PIK3R3: variants seen among roughly 807,000 people sequenced by gnomAD.
PIK3R3 encodes phosphatidylinositol 3-kinase regulatory subunit gamma.
A neutral mutation model predicts 62.9 loss-of-function variants in PIK3R3; 64 were observed. The observed-to-expected ratio is 1.02, with a 90% CI of 0.83 to 1.25. The LOEUF (loss-of-function observed/expected upper bound fraction) is 1.25. Among genes scored for constraint, PIK3R3 ranks in the 50% most tolerant of loss-of-function variants. The pLI, the probability that PIK3R3 is intolerant of heterozygous loss-of-function variation, is 0.00. For synonymous variants in PIK3R3, 165 were observed against 189.0 expected, an observed-to-expected ratio of 0.87 and a Z score of 1.04; for missense variants, 614 against 561.6, an observed-to-expected ratio of 1.09 and a Z score of -0.94.
At chr1:46,078,540 T>C (rs1386000278) in intron 2 of PIK3R3, among the ~76,000 whole-genome samples, 7 of 151,816 alleles carry the variant, frequency 4.6e-5, no homozygotes, top group African/African-American at 1.7e-4. Context: ...AGACTCTATC[T>C]CAAAAAAAAA....
chr1:46,040,170 C>T lies in PIK3R3; in HGVS notation c.*3503G>A, dbSNP rs1646969201. 1.0e-5 allele frequency: 2 copies of T among 198,184 alleles called. No homozygotes were observed. Among genetic ancestry groups the T allele is most frequent in the Middle Eastern group, 1.7e-3 (1 of 596 alleles). The allele number at this position is 198,184 out of a possible 1,614,324, so 12.3% of individuals were successfully genotyped here. ...TTATTGCAATGTCTTTATTGCATTA[C>T]TGGAGCAAGTTGGCCAGACTGTCCC... On this transcript the variant is annotated 3_prime_UTR_variant, in exon 10 of 10. Transcript: ENST00000262741.
intron 1 of PIK3R3, among the ~76,000 whole-genome samples, chr1:46,120,140 T>C (rs1009568232): frequency 6.6e-6 from 1 of 152,206 alleles, no homozygotes; most frequent in Non-Finnish European, 1.5e-5. Flanking sequence ...ACTAACACTA[T>C]TCCAATGCCT....
At chr1:46,141,789 CAA>C in the PIK3R3 span, among the ~76,000 whole-genome samples, 3 of 152,258 alleles carry the variant, frequency 2.0e-5, no homozygotes, top group Non-Finnish European at 2.9e-5. Flanking sequence ...CCTGTCTTTC[CAA>C]AAGAGTCAGC....
upstream of PIK3R3, among the ~76,000 whole-genome samples, chr1:46,137,955 G>A (rs140814490): frequency 2.0e-5 from 3 of 152,318 alleles, no homozygotes; most frequent in East Asian, 3.9e-4. Flanking sequence ...TTTGGCTACA[G>A]GAACCAAGAG....
chr1:46,068,962 A>C (rs1649253825), intron 3 of PIK3R3, among the ~76,000 whole-genome samples: 1 of 152,226 alleles, frequency 6.6e-6, no homozygotes, highest in South Asian at 2.1e-4. Flanking sequence ...AGGAGGCAGC[A>C]GTAGAAGTGG....
chr1:46,174,783 C>G, the PIK3R3 span, among the ~76,000 whole-genome samples: 1 of 152,166 alleles, frequency 6.6e-6, no homozygotes, highest in South Asian at 2.1e-4. Context: ...CAAACTCAGT[C>G]TTGCCCCACC....
chr1:46,132,279 G>A lies in PIK3R3; in HGVS notation c.-327C>T, dbSNP rs979354395. On this transcript the variant is annotated 5_prime_UTR_variant, in exon 1 of 10. Coordinates refer to ENST00000262741, the MANE Select transcript of PIK3R3 (RefSeq NM_003629.4). ...ACACAGTCGCTCTCCGGGGAGAAAA[G>A]CTCCCACCGCCTCCAAATCTTTCCG... 11 of 1,119,394 alleles carry A rather than the reference G, an allele frequency of 9.8e-6. No individual in the cohort carries two copies. In the East Asian group the frequency reaches 7.5e-4, roughly 76 times the overall value. The allele number at this position is 1,119,394 out of a possible 1,614,324, so 69.3% of individuals were successfully genotyped here.
Position 46,045,975 on chromosome 1 carries a change from T to C in PIK3R3, c.1130A>G (p.Asp377Gly). The change falls in exon 9 of 10, where the codon GAT (aspartate) becomes GGT (glycine). Residue 377 changes from aspartate (D) to glycine (G), a missense_variant. Asp to Gly is a moderately conservative substitution (Grantham distance 94). Coordinates refer to ENST00000262741, the MANE Select transcript of PIK3R3 (RefSeq NM_003629.4). ...QAEDLLYGKPDGAFLIRESSK... is the reference protein window; with the variant it reads ...QAEDLLYGKPGGAFLIRESSK... The stretch of plus-strand genomic sequence containing the variant: ...ACTCTCACGAATTAAGAATGCACCA[T>C]CAGGTTTCCCATAAAGCAAGTCCTC... The C allele has an allele frequency of 6.2e-7, 1 of 1,613,676 alleles. No individual in the cohort carries two copies.
intron 3 of PIK3R3, among the ~76,000 whole-genome samples, chr1:46,069,308 T>C (rs943315886): frequency 1.3e-5 from 2 of 152,120 alleles, no homozygotes; most frequent in African/African-American, 2.4e-5. Context: ...TCACTTGAAA[T>C]CAGGAGTTCG....
rs781243130 is a variant in PIK3R3 at position 46,055,982 on chromosome 1, A to G, written c.765-11T>C. ...TAATTCATCATAATTCTGTAAAAAT[A>G]TTTGACATGTTAAGGCTAAAATAGA... On this transcript the variant is annotated splice_polypyrimidine_tract_variant and intron_variant, in intron 6 of 9. Transcript: ENST00000262741. 2.6e-6 allele frequency: 4 copies of G among 1,564,620 alleles called. No homozygotes were observed. Among genetic ancestry groups the G allele is most frequent in the South Asian group, 1.2e-5 (1 of 86,812 alleles).
chr1:46,066,079 T>TTTTGA lies in PIK3R3; in HGVS notation c.595_596insTCAAA (p.Tyr199PhefsTer15). 6 of 1,609,038 alleles carry TTTTGA rather than the reference T, an allele frequency of 3.7e-6. No homozygotes were observed. The highest frequency in any genetic ancestry group is 5.1e-6 in the Non-Finnish European group (6 of 1,175,802). Reference sequence around the variant, plus strand: ...CTGGGATGTTCTAGTATATTCTTCATACAGCCTATCATACTCTTTACTCTT... The same window carrying TTTTGA: ...CTGGGATGTTCTAGTATATTCTTCATTTTGAACAGCCTATCATACTCTTTACTCTT... On this transcript the variant is annotated frameshift_variant, in exon 5 of 10. Transcript: ENST00000262741. LOFTEE classifies it high-confidence loss of function.
rs773704302 is a variant in PIK3R3 at position 46,131,803 on chromosome 1, A to G, written c.106+44T>C. 3.8e-6 allele frequency: 6 copies of G among 1,578,542 alleles called. No individual in the cohort carries two copies. The African/African-American group carries it at 8.1e-5, about 21-fold the overall frequency. On this transcript the variant is annotated intron_variant, in intron 1 of 9. Coordinates refer to ENST00000262741, the MANE Select transcript of PIK3R3 (RefSeq NM_003629.4). ...CATCAGCAAGCTCTTGGTAAATACA[A>G]ATCAGACCCATCACGAGATTCTTTT... is the stretch of plus-strand genomic sequence containing the variant.
the PIK3R3 span, among the ~76,000 whole-genome samples, chr1:46,163,629 T>C: frequency 6.6e-6 from 1 of 152,188 alleles, no homozygotes; most frequent in Non-Finnish European, 1.5e-5. Flanking sequence ...TTTCCCTGTC[T>C]CCTTCCTGAT....
intron 1 of PIK3R3, among the ~76,000 whole-genome samples, chr1:46,115,644 T>C (rs528999239): frequency 2.0e-5 from 3 of 152,358 alleles, no homozygotes; most frequent in East Asian, 1.9e-4. Context: ...TATGACTATC[T>C]GGAGAAAAAC....
chr1:46,161,946 G>T, the PIK3R3 span, among the ~76,000 whole-genome samples: 1 of 151,944 alleles, frequency 6.6e-6, no homozygotes, highest in Non-Finnish European at 1.5e-5. Flanking sequence ...CAAAAAATTA[G>T]CTGGGCGTGG....
rs770769066 is a variant in PIK3R3, at chr1:46,044,292, G to A, written c.1188-421C>T. Among the ~76,000 whole-genome samples, 1 of 151,394 alleles carries A rather than the reference G, an allele frequency of 6.6e-6. No homozygotes were observed. The highest frequency in any genetic ancestry group is 2.1e-4 in the South Asian group (1 of 4,774). On this transcript the variant is annotated intron_variant, in intron 9 of 9. Coordinates refer to ENST00000262741, the MANE Select transcript of PIK3R3 (RefSeq NM_003629.4). The surrounding 1 kb of genome is among the most constrained non-coding windows in gnomAD (Gnocchi z 4.2). The stretch of plus-strand genomic sequence containing the variant: ...TCTTGCTATGTTGCCCAGGCTGGTC[G>A]TGAACTCCTGGGCTCAAGGAATCCT...
chr1:46,162,110 A>AT, the PIK3R3 span, among the ~76,000 whole-genome samples: 2 of 150,372 alleles, frequency 1.3e-5, no homozygotes, highest in African/African-American at 4.9e-5. Flanking sequence ...AAAAAAAAAG[A>AT]TTTTCTTCAT....
At chr1:46,131,332 G>A (rs547754283) in intron 1 of PIK3R3, among the ~76,000 whole-genome samples, 1 of 152,236 alleles carries the variant, frequency 6.6e-6, no homozygotes, top group South Asian at 2.1e-4. Context: ...AGAGAAAAAG[G>A]GAGTCTTACA....
At chr1:46,091,691 A>T (rs1477144765) in intron 1 of PIK3R3, among the ~76,000 whole-genome samples, 3 of 152,174 alleles carry the variant, frequency 2.0e-5, no homozygotes, top group East Asian at 3.9e-4. Context: ...ATTTGAGGGT[A>T]TTCAAAACCA....
Sources: allele counts gnomAD v4.1 joint callset (sites outside exome capture counted in the v4.1 genomes callset), GRCh38; gene constraint gnomAD v4.1.1; non-coding constraint Gnocchi (gnomAD v3.1); transcripts MANE v1.5; gene names NCBI Gene and HGNC (gene_info 2026-07-23, HGNC 2026-07-21).